The following SAMD12 variants were observed in gnomAD, a reference collection of about 807,000 sequenced individuals.
The protein encoded by SAMD12 is sterile alpha motif domain-containing protein 12.
A neutral mutation model predicts 15.0 loss-of-function variants in SAMD12; 9 were observed. That is an observed-to-expected ratio of 0.60 (90% CI 0.36 to 1.05). The LOEUF (loss-of-function observed/expected upper bound fraction) is 1.05. SAMD12 is among the 50% of genes least tolerant of loss of function. The pLI is 0.01. For synonymous variants in SAMD12, 86 were observed against 90.1 expected (o/e 0.96, Z 0.25); for missense variants, 230 against 234.2 (o/e 0.98, Z 0.12).
chr8:118,300,026 T>A (rs1372052593), intron 4 of SAMD12, among the ~76,000 whole-genome samples: 1 of 150,276 alleles, frequency 6.7e-6, no homozygotes, highest in Non-Finnish European at 1.5e-5. Flanking sequence ...TCCTTTTTTT[T>A]CTTTACTTTT....
intron 1 of SAMD12, among the ~76,000 whole-genome samples, chr8:118,591,400 C>G (rs1447251742): frequency 6.6e-6 from 1 of 151,956 alleles, no homozygotes; most frequent in African/African-American, 2.4e-5. Context: ...CTAATATTAC[C>G]CTATTTTTTA....
intron 4 of SAMD12, among the ~76,000 whole-genome samples, chr8:118,327,348 G>A (rs1019846116): frequency 2.6e-5 from 4 of 152,066 alleles, no homozygotes; most frequent in Admixed American, 2.6e-4. Flanking sequence ...CTCCTCTTCC[G>A]AGGCTTGAAT....
chr8:118,469,189 G>A (rs1260407115), intron 2 of SAMD12, among the ~76,000 whole-genome samples: 1 of 151,678 alleles, frequency 6.6e-6, no homozygotes, highest in African/African-American at 2.4e-5. Flanking sequence ...TTACTACCTT[G>A]TTGTGTACTT....
the SAMD12 span, among the ~76,000 whole-genome samples, chr8:118,138,847 C>T: frequency 1.3e-5 from 2 of 152,300 alleles, no homozygotes; most frequent in South Asian, 2.1e-4. Context: ...AGCCTCAAAT[C>T]GGTTTTCACA....
At chr8:118,288,190 T>A (rs1207566829) in intron 4 of SAMD12, 1 of 152,222 alleles carries the variant, frequency 6.6e-6, no homozygotes, top group East Asian at 1.9e-4. Context: ...TTATCTTTAA[T>A]TCTCAAAACA....
the SAMD12 span, among the ~76,000 whole-genome samples, chr8:118,146,663 TA>T: frequency 1.3e-5 from 2 of 152,102 alleles, no homozygotes; most frequent in African/African-American, 4.8e-5. Flanking sequence ...ACAAGACTCA[TA>T]GGTTTGGTTG....
chr8:118,338,801 C>T (rs1817206755), intron 4 of SAMD12, among the ~76,000 whole-genome samples: 1 of 152,154 alleles, frequency 6.6e-6, no homozygotes, highest in Admixed American at 6.5e-5. Flanking sequence ...GGCATCCCTA[C>T]CTAACAATTT....
chr8:118,619,254 G>A (rs752254382), intron 1 of SAMD12, among the ~76,000 whole-genome samples: 4 of 152,060 alleles, frequency 2.6e-5, no homozygotes, highest in East Asian at 1.9e-4. Flanking sequence ...GAGGTGGGCA[G>A]ATCACGAGGT....
chr8:118,379,537 C>G lies in SAMD12; in HGVS notation c.486G>C (p.Gly162=), dbSNP rs745891588. 3 of 1,613,828 alleles carry G rather than the reference C, an allele frequency of 1.9e-6. No homozygotes were observed. The South Asian group carries it at 3.3e-5, about 18-fold the overall frequency. The change falls in exon 4 of 4, where the codon GGG becomes GGC. Residue 162 remains glycine (G), a synonymous_variant. Coordinates refer to ENST00000314727, the MANE Select transcript of SAMD12 (RefSeq NM_207506.3). ...TTCTTCTAATCTCCCCATCCATCCACCCATCAGGAAGCAATAGGGTACCTT... is the reference window on the plus strand; with the variant it reads ...TTCTTCTAATCTCCCCATCCATCCAGCCATCAGGAAGCAATAGGGTACCTT... ...LTQGTLLLPD[G]WMDGEIRRKT...
At chr8:118,276,072 C>T (rs112798804) in intron 4 of SAMD12, among the ~76,000 whole-genome samples, 1,721 of 152,272 alleles carry the variant, frequency 0.011, 26 homozygotes, top group African/African-American at 0.038. Context: ...AAACCTTATG[C>T]TCCAGAACAT....
chr8:118,476,201 C>T (rs1823955533), intron 2 of SAMD12, among the ~76,000 whole-genome samples: 1 of 152,166 alleles, frequency 6.6e-6, no homozygotes, highest in Admixed American at 6.5e-5. Context: ...GATTGATCAC[C>T]TACTAGGAGA....
chr8:118,492,857 T>A (rs1360939254), intron 2 of SAMD12, among the ~76,000 whole-genome samples: 1 of 152,134 alleles, frequency 6.6e-6, no homozygotes, highest in Admixed American at 6.6e-5. Context: ...CTTATAAAAA[T>A]TACTTCCCTT....
chr8:118,553,541 T>C (rs1586813931), intron 2 of SAMD12, among the ~76,000 whole-genome samples: 2 of 151,998 alleles, frequency 1.3e-5, no homozygotes, highest in African/African-American at 4.8e-5. Context: ...TCAAGATGGA[T>C]TAAAGACTTA....
chr8:118,139,926 C>T, the SAMD12 span, among the ~76,000 whole-genome samples: 3 of 152,180 alleles, frequency 2.0e-5, no homozygotes, highest in African/African-American at 4.8e-5. Context: ...TGGCTGCTTA[C>T]AAAAACTGTG....
the SAMD12 span, among the ~76,000 whole-genome samples, chr8:118,178,110 A>T: frequency 7.1e-6 from 1 of 140,138 alleles, no homozygotes. Flanking sequence ...GTATTTTCTT[A>T]TGTTTTTCTT....
the SAMD12 span, among the ~76,000 whole-genome samples, chr8:118,174,457 G>A: frequency 6.6e-6 from 1 of 152,128 alleles, no homozygotes; most frequent in Non-Finnish European, 1.5e-5. Flanking sequence ...AAGTGTATCT[G>A]CGTGGGCCAT....
At chr8:118,353,867 G>A (rs1044067297) in intron 4 of SAMD12, among the ~76,000 whole-genome samples, 3 of 152,104 alleles carry the variant, frequency 2.0e-5, no homozygotes, top group Non-Finnish European at 4.4e-5. Flanking sequence ...GAGGCAGGAG[G>A]TGAGAGGTGA....
At chr8:118,608,320 G>A (rs2131310836) in intron 1 of SAMD12, among the ~76,000 whole-genome samples, 1 of 151,842 alleles carries the variant, frequency 6.6e-6, no homozygotes, top group East Asian at 2.0e-4. Flanking sequence ...GCTCAGAAAT[G>A]GGATGTCTAC....
chr8:118,158,168 T>C, the SAMD12 span, among the ~76,000 whole-genome samples: 13 of 152,312 alleles, frequency 8.5e-5, no homozygotes, highest in Non-Finnish European at 1.3e-4. Context: ...AAGGTACATC[T>C]TGCATATTCA....
Sources: gnomAD v4.1 joint callset for allele counts (sites outside exome capture counted in the v4.1 genomes callset) on GRCh38, gnomAD v4.1.1 for gene constraint, MANE v1.5 for transcripts, NCBI Gene and HGNC (gene_info 2026-07-23, HGNC 2026-07-21) for gene names.